The following PKIB variants were observed in gnomAD, a reference collection of about 807,000 sequenced individuals.
PKIB encodes the protein PKI-beta.
Under a neutral mutation model 4.5 loss-of-function variants are expected in PKIB, and 2 were observed. That is an observed-to-expected ratio of 0.44 (90% confidence interval 0.18 to 1.39). The LOEUF is 1.39. PKIB is among the 40% of genes most tolerant of loss of function. PKIB has a pLI of 0.27. For synonymous variants in PKIB, 38 were observed against 36.0 expected, an observed-to-expected ratio of 1.06 and a Z score of -0.20; for missense variants, 94 against 92.6, an observed-to-expected ratio of 1.02 and a Z score of -0.06.
At chr6:122,607,013 C>A (rs1231479914), upstream of PKIB, among the ~76,000 whole-genome samples, 1 of 151,584 alleles carries the variant, frequency 6.6e-6, no homozygotes, top group African/African-American at 2.4e-5. Context: ...TACTTTCTTC[C>A]ACACAGCATT....
chr6:122,483,804 T>C (rs1775689817), intron 2 of PKIB: 1 of 152,228 alleles, frequency 6.6e-6, no homozygotes, highest in South Asian at 2.1e-4. Context: ...GGTAATTAAG[T>C]TTTGTCCTTC....
intron 2 of PKIB, among the ~76,000 whole-genome samples, chr6:122,554,145 G>A (rs527800958): frequency 6.6e-6 from 1 of 152,162 alleles, no homozygotes; most frequent in Non-Finnish European, 1.5e-5. Context: ...ATTTCCCTGA[G>A]CTGGAATTTT....
intron 2 of PKIB, among the ~76,000 whole-genome samples, chr6:122,575,003 CAAAG>C (rs1429589563): frequency 6.6e-6 from 1 of 152,070 alleles, no homozygotes; most frequent in Admixed American, 6.6e-5. Context: ...ATGCATCTGA[CAAAG>C]AACTAGTATC....
intron 2 of PKIB, among the ~76,000 whole-genome samples, chr6:122,553,741 C>A (rs1772758974): frequency 6.6e-6 from 1 of 151,876 alleles, no homozygotes; most frequent in African/African-American, 2.4e-5. Context: ...CAGTTTCCTC[C>A]ATAGAGAATT....
intron 3 of PKIB, among the ~76,000 whole-genome samples, chr6:122,705,893 A>G (rs1054307320): frequency 6.6e-6 from 1 of 152,142 alleles, no homozygotes; most frequent in Admixed American, 6.6e-5. Flanking sequence ...CACCTTTACT[A>G]TGTGATTTAG....
intron 2 of PKIB, among the ~76,000 whole-genome samples, chr6:122,636,195 T>C (rs1458065361): frequency 2.6e-5 from 4 of 152,102 alleles, no homozygotes; most frequent in Non-Finnish European, 4.4e-5. Flanking sequence ...TTAAAACTCA[T>C]GTGGTTTGAT....
intron 2 of PKIB, among the ~76,000 whole-genome samples, chr6:122,567,508 G>A (rs1773228292): frequency 6.6e-6 from 1 of 152,042 alleles, no homozygotes; most frequent in African/African-American, 2.4e-5. Context: ...AGCTTCTGGA[G>A]CAACCCAAAA....
intron 3 of PKIB, among the ~76,000 whole-genome samples, chr6:122,712,755 A>G (rs1054290517): frequency 1.3e-5 from 2 of 152,188 alleles, no homozygotes; most frequent in Admixed American, 6.5e-5. Context: ...AGTGATATGT[A>G]TCTGGAGATG....
chr6:122,542,530 T>C (rs1267315160), intron 2 of PKIB, among the ~76,000 whole-genome samples: 1 of 151,980 alleles, frequency 6.6e-6, no homozygotes, highest in African/African-American at 2.4e-5. Flanking sequence ...TATAGAACAG[T>C]GGATCTTGGT....
intron 3 of PKIB, among the ~76,000 whole-genome samples, chr6:122,601,967 C>T (rs1366184429): frequency 6.6e-6 from 1 of 151,388 alleles, no homozygotes; most frequent in Admixed American, 6.6e-5. Flanking sequence ...ATGGAGTCCT[C>T]CCTTTTCTTT....
At chr6:122,724,233 C>T (rs1779855135) in intron 4 of PKIB, among the ~76,000 whole-genome samples, 1 of 151,978 alleles carries the variant, frequency 6.6e-6, no homozygotes, top group African/African-American at 2.4e-5. Flanking sequence ...ACGAAGGAGC[C>T]AGGAGAAAGG....
chr6:122,622,906 A>G (rs576860669), intron 1 of PKIB, among the ~76,000 whole-genome samples: 21 of 152,338 alleles, frequency 1.4e-4, no homozygotes, highest in Admixed American at 1.2e-3. Flanking sequence ...TAGTTCTGGC[A>G]GCTAGAGTTC....
intron 2 of PKIB, among the ~76,000 whole-genome samples, chr6:122,671,021 C>T (rs549786891): frequency 1.5e-4 from 23 of 152,258 alleles, no homozygotes; most frequent in South Asian, 1.2e-3. Flanking sequence ...AGGCCAGGCG[C>T]GGTGGCTCAC....
intron 3 of PKIB, among the ~76,000 whole-genome samples, chr6:122,713,715 G>T (rs967228583): frequency 6.6e-6 from 1 of 152,100 alleles, no homozygotes; most frequent in African/African-American, 2.4e-5. Context: ...ATTTTTCCAG[G>T]TGGATTTTTC....
At position 122,586,362 on chromosome 6, in the gene PKIB, A is replaced by G. The variant is rs117909379; in HGVS notation, c.-161+355A>G. Among the ~76,000 whole-genome samples, 112 of 152,188 alleles carry G rather than the reference A, an allele frequency of 7.4e-4. No individual in the cohort carries two copies. In the East Asian group the frequency reaches 0.02, roughly 27 times the overall value. On this transcript the variant is annotated intron_variant, in intron 3 of 6. Transcript: ENST00000392491. The stretch of plus-strand genomic sequence containing the variant: ...ATTTTTCTCATTTTAATGTAACTAT[A>G]TTTTCTATAATTTATTCCCATCTGT...
In PKIB at chr6:122,553,478, CTTCTTT is replaced by C. The variant is rs879222026; in HGVS notation, c.-247-32440_-247-32435del. Among the ~76,000 whole-genome samples the C allele has an allele frequency of 9.6e-4, 47 of 48,918 alleles. 1 individual carries two copies. The highest frequency in any genetic ancestry group is 7.7e-3 in the East Asian group (16 of 2,066). The allele number at this position is 48,918 out of a possible 152,430, so 32.1% of individuals were successfully genotyped here. Reference sequence around the variant, plus strand: ...TCATCTCTCAAGATTGCTCAAATATCTTCTTTTTTTTTTTTTTTTTTTTTTCTGAAA... The same window carrying C: ...TCATCTCTCAAGATTGCTCAAATATCTTTTTTTTTTTTTTTTTTTCTGAAA... On this transcript the variant is annotated intron_variant, in intron 2 of 6. Transcript: ENST00000392491.
At chr6:122,655,387 A>G (rs924976026) in intron 2 of PKIB, among the ~76,000 whole-genome samples, 2 of 152,200 alleles carry the variant, frequency 1.3e-5, no homozygotes, top group African/African-American at 4.8e-5. Context: ...TGGAGCCCTC[A>G]TGAATGGAAT....
intron 2 of PKIB, among the ~76,000 whole-genome samples, chr6:122,505,381 G>A (rs1235414924): frequency 1.3e-5 from 2 of 152,120 alleles, no homozygotes; most frequent in South Asian, 2.1e-4. Context: ...CACCCCACAA[G>A]CCCTTTTCCC....
chr6:122,609,536 T>C (rs1774662243), upstream of PKIB, among the ~76,000 whole-genome samples: 1 of 152,252 alleles, frequency 6.6e-6, no homozygotes, highest in African/African-American at 2.4e-5. Context: ...GCAGGTGTCA[T>C]AGGCTTTGGG....
Sources: allele counts gnomAD v4.1 joint callset (sites outside exome capture counted in the v4.1 genomes callset), GRCh38; gene constraint gnomAD v4.1.1; transcripts MANE v1.5; gene names NCBI Gene and HGNC (gene_info 2026-07-23, HGNC 2026-07-21).